The following LRBA variants were observed in gnomAD, a reference collection of about 807,000 sequenced individuals.
LRBA encodes the protein lipopolysaccharide-responsive and beige-like anchor protein.
In LRBA, 176 loss-of-function variants were observed where a neutral mutation model predicts 330.0. The observed-to-expected ratio is 0.53, with a 90% CI of 0.47 to 0.60. The LOEUF is 0.60. Among genes scored for constraint, LRBA ranks in the 20% least tolerant of loss-of-function variants. The probability of loss-of-function intolerance (pLI) is 0.00; values close to 1 mark genes in which losing one functional copy is unlikely to be tolerated. For synonymous variants in LRBA, 1,230 were observed against 1,193.0 expected, an observed-to-expected ratio of 1.03 and a Z score of -0.64; for missense variants, 3,259 against 3,444.8, an observed-to-expected ratio of 0.95 and a Z score of 1.35.
chr4:150,588,946 A>G (rs1489913474), intron 39 of LRBA, among the ~76,000 whole-genome samples: 1 of 152,124 alleles, frequency 6.6e-6, no homozygotes, highest in Non-Finnish European at 1.5e-5. Flanking sequence ...CAATAGATTC[A>G]CTACAGACAG....
chr4:150,384,416 C>G (rs1742756758), intron 47 of LRBA, among the ~76,000 whole-genome samples: 2 of 152,132 alleles, frequency 1.3e-5, no homozygotes, highest in African/African-American at 4.8e-5. Flanking sequence ...GATTTAAATT[C>G]AGGACATTTA....
At chr4:150,766,833 A>G (rs1340861193) in intron 34 of LRBA, among the ~76,000 whole-genome samples, 1 of 152,198 alleles carries the variant, frequency 6.6e-6, no homozygotes, top group Admixed American at 6.5e-5. Context: ...AACACATTTC[A>G]GCACTTTGGA....
intron 4 of LRBA, among the ~76,000 whole-genome samples, chr4:150,922,082 A>G (rs185651410): frequency 6.6e-6 from 1 of 151,804 alleles, no homozygotes; most frequent in African/African-American, 2.4e-5. Context: ...ACTGGTCTCA[A>G]ACTCCTGACT....
chr4:150,543,901 A>T (rs764739479), intron 40 of LRBA, among the ~76,000 whole-genome samples: 5 of 152,230 alleles, frequency 3.3e-5, no homozygotes, highest in Admixed American at 6.5e-5. Context: ...ACATGTTATG[A>T]CCTAAAGTTA....
At chr4:150,727,012 C>T (rs1323844101) in intron 36 of LRBA, among the ~76,000 whole-genome samples, 5 of 147,626 alleles carry the variant, frequency 3.4e-5, no homozygotes, top group Admixed American at 6.8e-5. Flanking sequence ...AAACAGCAGA[C>T]TTCATCTGTA....
intron 37 of LRBA, among the ~76,000 whole-genome samples, chr4:150,627,376 C>T (rs754643871): frequency 1.3e-5 from 2 of 151,914 alleles, no homozygotes; most frequent in African/African-American, 2.4e-5. Context: ...TATAACAAGG[C>T]TTAACTTAGT....
chr4:150,898,501 T>G (rs1730359429), intron 14 of LRBA, among the ~76,000 whole-genome samples: 1 of 152,118 alleles, frequency 6.6e-6, no homozygotes, highest in Non-Finnish European at 1.5e-5. Context: ...ACCTGTTTTC[T>G]CATATATTTT....
chr4:150,617,375 C>G (rs912005671), intron 37 of LRBA, among the ~76,000 whole-genome samples: 1 of 152,184 alleles, frequency 6.6e-6, no homozygotes. Context: ...GGACACTGGC[C>G]TCACGCCTGT....
chr4:150,381,835 TTGTC>T (rs915199992), intron 47 of LRBA, among the ~76,000 whole-genome samples: 1 of 152,180 alleles, frequency 6.6e-6, no homozygotes, highest in Non-Finnish European at 1.5e-5. Flanking sequence ...ATACTTGTTA[TTGTC>T]TGTCTTTTTG....
chr4:150,828,748 C>G, intron 29 of LRBA, 127 bp from the exon 30 acceptor site: 1 of 774,100 alleles, frequency 1.3e-6, no homozygotes, highest in Middle Eastern at 3.9e-4. Flanking sequence ...TCTAAAAAAG[C>G]AAAAACTAAT....
At chr4:150,302,203 T>G (rs72953804) in intron 53 of LRBA, among the ~76,000 whole-genome samples, 8,600 of 152,284 alleles carry the variant, frequency 0.056, 397 homozygotes, top group East Asian at 0.18. Context: ...TTTATCTTTT[T>G]AATACATAAA....
At chr4:150,608,055 A>G (rs769997896) in intron 37 of LRBA, among the ~76,000 whole-genome samples, 1 of 151,948 alleles carries the variant, frequency 6.6e-6, no homozygotes, top group African/African-American at 2.4e-5. Flanking sequence ...AAGAAAAGAT[A>G]CAAAAATTAG....
At chr4:150,348,492 T>C (rs1736708004) in intron 48 of LRBA, among the ~76,000 whole-genome samples, 1 of 152,162 alleles carries the variant, frequency 6.6e-6, no homozygotes, top group African/African-American at 2.4e-5. Flanking sequence ...AGATTGCATA[T>C]AGTGACACAA....
chr4:150,274,707 C>T (rs1056074202), intron 56 of LRBA, among the ~76,000 whole-genome samples: 1 of 152,096 alleles, frequency 6.6e-6, no homozygotes, highest in African/African-American at 2.4e-5. Flanking sequence ...GAAATGGATA[C>T]ATTCTTGGGC....
chr4:150,877,685 A>G (rs1754201244), intron 17 of LRBA, among the ~76,000 whole-genome samples: 2 of 152,200 alleles, frequency 1.3e-5, no homozygotes, highest in Non-Finnish European at 2.9e-5. Flanking sequence ...ATTGGACCTA[A>G]TAGACATCTA....
chr4:150,748,637 A>C (rs1223645061), intron 35 of LRBA, among the ~76,000 whole-genome samples: 1 of 151,774 alleles, frequency 6.6e-6, no homozygotes, highest in African/African-American at 2.4e-5. Context: ...ATTGCACTCC[A>C]GCCTGGGTGA....
chr4:150,611,396 A>G (rs999071527), intron 37 of LRBA, among the ~76,000 whole-genome samples: 2 of 152,152 alleles, frequency 1.3e-5, no homozygotes, highest in Non-Finnish European at 2.9e-5. Flanking sequence ...TCCCAACTAG[A>G]ACTACCCATT....
In LRBA at chr4:150,415,595, AT is replaced by A; in HGVS notation, c.7042-6del. 6.6e-7 allele frequency: 1 copy of A among 1,512,770 alleles called. No individual in the cohort carries two copies. The highest frequency in any genetic ancestry group is 9.2e-7 in the Non-Finnish European group (1 of 1,091,028). 93.7% of individuals were successfully genotyped at this position (1,512,770 alleles called of 1,614,324 possible). On this transcript the variant is annotated splice_region_variant and splice_polypyrimidine_tract_variant and intron_variant, in intron 46 of 56. Coordinates refer to ENST00000651943, the MANE Select transcript of LRBA (RefSeq NM_001364905.1). Reference sequence around the variant, plus strand: ...ATAAAATTCAGGGATCAACTCCTATATAAAAATAAAAGACAATGTGATATTA... The same window carrying A: ...ATAAAATTCAGGGATCAACTCCTATAAAAAATAAAAGACAATGTGATATTA...
intron 48 of LRBA, among the ~76,000 whole-genome samples, chr4:150,348,456 A>G (rs756500392): frequency 1.8e-4 from 27 of 152,324 alleles, no homozygotes; most frequent in Middle Eastern, 3.4e-3. Context: ...ATAGAACATT[A>G]CAGAATTTCA....
Sources: gnomAD v4.1 joint callset for allele counts (sites outside exome capture counted in the v4.1 genomes callset) on GRCh38, gnomAD v4.1.1 for gene constraint, MANE v1.5 for transcripts, NCBI Gene and HGNC (gene_info 2026-07-23, HGNC 2026-07-21) for gene names.